The following MYO10 variants were observed in gnomAD, a reference collection of about 807,000 sequenced individuals.
MYO10 encodes the protein myosin X.
MYO10 carries 133 observed loss-of-function variants against 257.3 expected under a neutral mutation model. The ratio of observed to expected loss-of-function variants is 0.52; its 90% CI spans 0.45 to 0.60. The LOEUF (loss-of-function observed/expected upper bound fraction) is 0.60, where lower values mean the gene tolerates loss of function less well. Ranked by LOEUF, MYO10 falls within the 20% of genes least tolerant of loss-of-function variation. MYO10 has a pLI of 0.00. For missense variants in MYO10, 2,399 were observed against 2,635.7 expected (o/e 0.91, Z 1.97); for synonymous variants, 1,104 against 1,028.6 (o/e 1.07, Z -1.40).
chr5:16,810,749 T>C (rs1255966547), intron 3 of MYO10, among the ~76,000 whole-genome samples: 1 of 152,112 alleles, frequency 6.6e-6, no homozygotes, highest in Non-Finnish European at 1.5e-5. Flanking sequence ...CACTCCAGCC[T>C]GGGTGACAGA....
Position 16,668,270 on chromosome 5 carries a change from C to G in MYO10, c.6075+7G>C. 1 of 1,605,628 alleles carries G rather than the reference C, an allele frequency of 6.2e-7. No homozygotes were observed. The highest frequency in any genetic ancestry group is 8.5e-7 in the Non-Finnish European group (1 of 1,176,662). On this transcript the variant is annotated splice_region_variant and intron_variant, in intron 40 of 40. Coordinates refer to ENST00000513610, the MANE Select transcript of MYO10 (RefSeq NM_012334.3). ...GAATAAAAAGATGAACTTGCTTTGC[C>G]TCTTACCTCACTGGTTTCAAAGAGC... is the stretch of plus-strand genomic sequence containing the variant.
chr5:16,840,060 A>G (rs2126726089), intron 2 of MYO10, among the ~76,000 whole-genome samples: 1 of 152,316 alleles, frequency 6.6e-6, no homozygotes, highest in South Asian at 2.1e-4. Flanking sequence ...GTGAGAAGGT[A>G]CAAGGTTAAG....
At chr5:16,722,773 G>A (rs1313551999) in intron 19 of MYO10, among the ~76,000 whole-genome samples, 3 of 152,124 alleles carry the variant, frequency 2.0e-5, no homozygotes, top group Non-Finnish European at 4.4e-5. Flanking sequence ...GGTGGCTTTG[G>A]GGATAACTTT....
At position 16,777,839 on chromosome 5, in the gene MYO10, C is replaced by CTTTTTTTTTTTTTTTTTTTT. The variant is rs61326508; in HGVS notation, c.930+1686_930+1705dup. On this transcript the variant is annotated intron_variant, in intron 9 of 40. Coordinates refer to ENST00000513610, the MANE Select transcript of MYO10 (RefSeq NM_012334.3). ...GCCACCCTAGGTGCATTGCATCTAA[C>CTTTTTTTTTTTTTTTTTTTT]TTTTTTTTTTTTTTTTTTTTTTTTT... is the stretch of plus-strand genomic sequence containing the variant. Among the ~76,000 whole-genome samples, 5 of 88,478 alleles carry CTTTTTTTTTTTTTTTTTTTT rather than the reference C, an allele frequency of 5.7e-5. 1 individual carries two copies. Among genetic ancestry groups the CTTTTTTTTTTTTTTTTTTTT allele is most frequent in the African/African-American group, 2.7e-4 (5 of 18,652 alleles). The allele number at this position is 88,478 out of a possible 152,430, so 58.0% of individuals were successfully genotyped here.
chr5:16,811,068 CAAAAA>C (rs11420807), intron 3 of MYO10, among the ~76,000 whole-genome samples: 1 of 108,990 alleles, frequency 9.2e-6, no homozygotes. Context: ...GACTCTGTCT[CAAAAA>C]AAAAAAAAAA....
At chr5:16,913,373 G>A (rs965311748) in intron 1 of MYO10, among the ~76,000 whole-genome samples, 4 of 152,186 alleles carry the variant, frequency 2.6e-5, no homozygotes, top group Admixed American at 6.5e-5. Context: ...TTTAGGGTAT[G>A]AATTGCATAT....
intron 28 of MYO10, among the ~76,000 whole-genome samples, chr5:16,687,948 T>A (rs1318036972): frequency 2.0e-5 from 3 of 152,238 alleles, no homozygotes. Flanking sequence ...AAATTTCTTC[T>A]CTTGAATCAA....
chr5:16,930,943 TACTCTAAGTCCAA>T, intron 1 of MYO10, among the ~76,000 whole-genome samples: 1 of 152,296 alleles, frequency 6.6e-6, no homozygotes, highest in East Asian at 1.9e-4. Context: ...ACGTAGCAGT[TACTCTAAGTCCAA>T]ACTGTTGAAA....
rs541803088 is a variant in MYO10 at position 16,824,911 on chromosome 5, C to A, written c.121-6744G>T. Among the ~76,000 whole-genome samples, 3 of 152,004 alleles carry A rather than the reference C, an allele frequency of 2.0e-5. No individual in the cohort carries two copies. The South Asian group carries it at 6.2e-4, about 32-fold the overall frequency. On this transcript the variant is annotated intron_variant, in intron 2 of 40. Coordinates refer to ENST00000513610, the MANE Select transcript of MYO10 (RefSeq NM_012334.3). ...AAACAAAAAAACTTTCAAAAACAAT[C>A]GAAGAAATAAAAACACTGAACAGAG...
At chr5:16,708,471 G>A (rs776226545) in intron 21 of MYO10, among the ~76,000 whole-genome samples, 13 of 152,190 alleles carry the variant, frequency 8.5e-5, no homozygotes, top group Non-Finnish European at 1.8e-4. Context: ...TTGGAGCCCA[G>A]AAAAGACTGT....
intron 22 of MYO10, 37 bp downstream of exon 22, chr5:16,704,542 A>T: frequency 6.4e-7 from 1 of 1,555,566 alleles, no homozygotes; most frequent in Non-Finnish European, 8.8e-7. Context: ...CCCCTCATGG[A>T]GCTTCCTGCC....
chr5:16,672,033 G>A (rs187427325), intron 37 of MYO10, among the ~76,000 whole-genome samples: 52 of 152,266 alleles, frequency 3.4e-4, no homozygotes, highest in Middle Eastern at 6.8e-3. Flanking sequence ...AGTGGCTCAC[G>A]CCTGTAATCC....
chr5:16,718,937 A>G (rs1180749574), intron 19 of MYO10, among the ~76,000 whole-genome samples: 1 of 152,202 alleles, frequency 6.6e-6, no homozygotes, highest in Non-Finnish European at 1.5e-5. Context: ...GCGCCCTGAC[A>G]AAACAGGCCA....
At chr5:16,791,599 TTTC>T (rs1428811344) in intron 4 of MYO10, among the ~76,000 whole-genome samples, 1 of 151,414 alleles carries the variant, frequency 6.6e-6, no homozygotes, top group Non-Finnish European at 1.5e-5. Context: ...GATGTTTCGC[TTTC>T]TTCTTTAGCG....
rs540497162 is a variant in MYO10 at position 16,662,947 on chromosome 5, C to T, written c.*3745G>A. On this transcript the variant is annotated 3_prime_UTR_variant, in exon 41 of 41. Transcript: ENST00000513610. ...ATGTGAGACTGAGTCCATTCAACTT[C>T]TTTTTCTTTATAAATTACCCAGTCT... The T allele has an allele frequency of 6.7e-6, 1 of 148,252 alleles. No individual in the cohort carries two copies. The highest frequency in any genetic ancestry group is 1.5e-5 in the Non-Finnish European group (1 of 68,014). 9.2% of individuals were successfully genotyped at this position (148,252 alleles called of 1,614,324 possible). A position where few individuals can be genotyped will look rare whatever the true frequency, so the allele number is the denominator to read the frequency against.
At chr5:16,923,086 T>C (rs1247700092) in intron 1 of MYO10, among the ~76,000 whole-genome samples, 1 of 152,036 alleles carries the variant, frequency 6.6e-6, no homozygotes, top group East Asian at 1.9e-4. Flanking sequence ...ACTAGTGCTT[T>C]TTCCTGCAAT....
rs113406349 is a variant in MYO10 at position 16,668,592 on chromosome 5, A to G, written c.5884-124T>C. 491 of 684,290 alleles carry G rather than the reference A, an allele frequency of 7.2e-4. 2 individuals carry two copies. The African/African-American group carries it at 7.5e-3, about 10-fold the overall frequency. The allele number at this position is 684,290 out of a possible 1,614,324, so 42.4% of individuals were successfully genotyped here. On this transcript the variant is annotated intron_variant, in intron 39 of 40. Transcript: ENST00000513610. ...AGAAGATTAAATATATTCGATGTGC[A>G]TGCATGCATGGAGGGGCCTGAAATA... is the stretch of plus-strand genomic sequence containing the variant.
chr5:16,681,361 G>C lies in MYO10; in HGVS notation c.4332C>G (p.Leu1444=), dbSNP rs1180815414. 7 of 1,613,854 alleles carry C rather than the reference G, an allele frequency of 4.3e-6. No homozygotes were observed. The highest frequency in any genetic ancestry group is 3.3e-5 in the Admixed American group (2 of 60,000). The stretch of plus-strand genomic sequence containing the variant: ...GGGGGACGACAGAGCAGAGGCTGTT[G>C]AGGACCAGGGTCCCCAGTTTGAGCG... The part of the protein sequence containing the change: ...KNALKLGTLV[L]NSLCSVVPPD... Residue 1444 remains leucine (L), a synonymous_variant, in exon 32 of 41, where the codon CTC becomes CTG. Coordinates refer to ENST00000513610, the MANE Select transcript of MYO10 (RefSeq NM_012334.3).
At chr5:16,762,011 G>T in intron 16 of MYO10, 34 bp downstream of exon 16, 14 of 1,474,206 alleles carry the variant, frequency 9.5e-6, no homozygotes, top group Non-Finnish European at 1.3e-5. Context: ...TACCAAACAG[G>T]CAAATATCAA....
Sources: gnomAD v4.1 joint callset for allele counts (sites outside exome capture counted in the v4.1 genomes callset) on GRCh38, gnomAD v4.1.1 for gene constraint, MANE v1.5 for transcripts, NCBI Gene and HGNC (gene_info 2026-07-23, HGNC 2026-07-21) for gene names.